The following TLN2 variants were observed in gnomAD, a reference collection of about 807,000 sequenced individuals.
TLN2 encodes the protein talin 2, also known as talin-2.
A neutral mutation model predicts 294.7 loss-of-function variants in TLN2; 118 were observed. That is an observed-to-expected ratio of 0.40 (90% CI 0.34 to 0.47). The LOEUF is 0.47. Among genes scored for constraint, TLN2 ranks in the 20% least tolerant of loss-of-function variants. The pLI is 0.84. For missense variants in TLN2, 3,083 were observed against 3,282.2 expected (o/e 0.94, Z 1.48); for synonymous variants, 1,431 against 1,304.5 (o/e 1.10, Z -2.09).
chr15:62,648,835 C>T (rs1473733406), intron 4 of TLN2, among the ~76,000 whole-genome samples: 2 of 152,032 alleles, frequency 1.3e-5, no homozygotes, highest in Non-Finnish European at 2.9e-5. Context: ...AGACGTGAGC[C>T]ACCACGCCTG....
At chr15:62,762,197 C>T in intron 38 of TLN2, 75 bp from the exon 39 acceptor site, 1 of 1,530,034 alleles carries the variant, frequency 6.5e-7, no homozygotes, top group Non-Finnish European at 9.0e-7. Context: ...TGGCAAAGAA[C>T]AGGACCTTTC....
At chr15:62,741,842 A>G (rs1044161085) in intron 32 of TLN2, among the ~76,000 whole-genome samples, 3 of 148,886 alleles carry the variant, frequency 2.0e-5, no homozygotes, top group Non-Finnish European at 3.0e-5. Context: ...TTATATTCCA[A>G]GCTTTAATAC....
In TLN2 at chr15:62,647,333, T is replaced by C. The variant is rs1488262238; in HGVS notation, c.23T>C (p.Ile8Thr). 6.2e-7 allele frequency: 1 copy of C among 1,614,034 alleles called. No individual in the cohort carries two copies. The highest frequency in any genetic ancestry group is 8.5e-7 in the Non-Finnish European group (1 of 1,180,018). MVALSLK[I>T]CVRHCNVVKT... is the part of the protein sequence containing the mutation. ...AAAATGGTGGCCCTGTCCTTAAAGA[T>C]TTGTGTGCGCCACTGCAACGTGGTG... The change falls in exon 4 of 59, where the codon ATT (isoleucine) becomes ACT (threonine). Residue 8 changes from isoleucine to threonine, a missense_variant. Transcript: ENST00000636159.
chr15:62,802,061 C>T (rs889144219), intron 50 of TLN2, among the ~76,000 whole-genome samples: 1 of 152,096 alleles, frequency 6.6e-6, no homozygotes, highest in Non-Finnish European at 1.5e-5. Context: ...TTCATTCTTT[C>T]TACTTTTTGT....
intron 1 of TLN2, among the ~76,000 whole-genome samples, chr15:62,514,263 T>C (rs2040075546): frequency 6.6e-6 from 1 of 152,230 alleles, no homozygotes; most frequent in African/African-American, 2.4e-5. Context: ...TTTTACCTGA[T>C]GTCATTATGT....
At position 62,701,183 on chromosome 15, in the gene TLN2, C is replaced by T. The variant is rs753474101; in HGVS notation, c.1665C>T (p.Ala555=). 8.7e-6 allele frequency: 14 copies of T among 1,613,910 alleles called. No homozygotes were observed. The Admixed American group carries it at 1.5e-4, about 17-fold the overall frequency. The change falls in exon 17 of 59, where the codon GCC becomes GCT. Residue 555 remains alanine (A), a synonymous_variant. Transcript: ENST00000636159. ...ATTCTCAAGTTGATGCTATCACGGCCGGAACGGCTTCAGTTGTTAACCTCA... is the reference window on the plus strand; with the variant it reads ...ATTCTCAAGTTGATGCTATCACGGCTGGAACGGCTTCAGTTGTTAACCTCA... ...EIHSQVDAIT[A]GTASVVNLTA...
At chr15:62,680,417 A>G (rs1164872078) in intron 11 of TLN2, among the ~76,000 whole-genome samples, 1 of 152,132 alleles carries the variant, frequency 6.6e-6, no homozygotes, top group East Asian at 1.9e-4. Flanking sequence ...GTTTATTGTT[A>G]AATTGATTAA....
intron 3 of TLN2, chr15:62,638,248 C>T (rs137941781): frequency 6.3e-6 from 2 of 319,286 alleles, no homozygotes; most frequent in African/African-American, 4.3e-5. Flanking sequence ...CCTTCCTCAG[C>T]AGAATTTCCT....
chr15:62,573,620 G>C (rs2044117724), intron 1 of TLN2, among the ~76,000 whole-genome samples: 1 of 152,076 alleles, frequency 6.6e-6, no homozygotes, highest in Non-Finnish European at 1.5e-5. Context: ...GTTCCAGCCT[G>C]GGGGTGGAAG....
chr15:62,783,747 G>C, intron 44 of TLN2, 24 bp from the exon 45 acceptor site: 1 of 1,543,974 alleles, frequency 6.5e-7, no homozygotes, highest in Non-Finnish European at 8.8e-7. Context: ...GTGTGTGTGT[G>C]TCTTGCTTGT....
chr15:62,587,356 A>C (rs2045693860), intron 1 of TLN2, among the ~76,000 whole-genome samples: 1 of 152,240 alleles, frequency 6.6e-6, no homozygotes, highest in Non-Finnish European at 1.5e-5. Context: ...CAGTATAAGA[A>C]GTAAAAATCA....
At position 62,737,689 on chromosome 15, in the gene TLN2, A is replaced by G. The variant is rs533862585; in HGVS notation, c.3568-525A>G. 2.0e-5 allele frequency among the ~76,000 whole-genome samples: 3 copies of G among 152,356 alleles called. No homozygotes were observed. In the East Asian group the frequency reaches 5.8e-4, roughly 29 times the overall value. On this transcript the variant is annotated intron_variant, in intron 29 of 58. Transcript: ENST00000636159. ...TTCTAGGCAACGTGAGGGCAGCTCC[A>G]GGTTGTGCTCAGAGCACCCCACTTG...
intron 1 of TLN2, among the ~76,000 whole-genome samples, chr15:62,521,754 C>T (rs1017041916): frequency 4.6e-5 from 7 of 152,050 alleles, no homozygotes; most frequent in Admixed American, 2.6e-4. Context: ...ATGGAGATTC[C>T]CCCATGCAAA....
intron 12 of TLN2, among the ~76,000 whole-genome samples, 186 bp downstream of exon 12, chr15:62,686,982 C>A (rs2057340926): frequency 6.6e-6 from 1 of 152,104 alleles, no homozygotes; most frequent in Non-Finnish European, 1.5e-5. Flanking sequence ...GAGAGGTCAG[C>A]AAGCCTGGGT....
At chr15:62,604,706 T>G (rs767042560) in intron 2 of TLN2, among the ~76,000 whole-genome samples, 12,744 of 150,738 alleles carry the variant, frequency 0.085, 774 homozygotes, top group Non-Finnish European at 0.12. Context: ...TTTTTTTTTT[T>G]TTTTAATTAT....
chr15:62,743,403 G>A (rs1363882235), intron 32 of TLN2, among the ~76,000 whole-genome samples: 1 of 152,066 alleles, frequency 6.6e-6, no homozygotes, highest in Non-Finnish European at 1.5e-5. Flanking sequence ...GAAAAGGTTT[G>A]CTTCTGGAGA....
intron 3 of TLN2, among the ~76,000 whole-genome samples, chr15:62,624,669 G>A (rs767307194): frequency 6.6e-6 from 1 of 152,216 alleles, no homozygotes; most frequent in Non-Finnish European, 1.5e-5. Flanking sequence ...TAAAAGCACT[G>A]GAGTGCTGAG....
chr15:62,579,444 G>C (rs2044718250), intron 1 of TLN2, among the ~76,000 whole-genome samples: 1 of 152,134 alleles, frequency 6.6e-6, no homozygotes, highest in Admixed American at 6.5e-5. Context: ...ATCTAATTCG[G>C]TCTTGATTAG....
chr15:62,839,551 C>G (rs1948634), intron 58 of TLN2, among the ~76,000 whole-genome samples: 1 of 152,116 alleles, frequency 6.6e-6, no homozygotes, highest in Non-Finnish European at 1.5e-5. Flanking sequence ...TTCTGACTTA[C>G]GCAGGATTGC....
Sources: allele counts gnomAD v4.1 joint callset (sites outside exome capture counted in the v4.1 genomes callset), GRCh38; gene constraint gnomAD v4.1.1; transcripts MANE v1.5; gene names NCBI Gene and HGNC (gene_info 2026-07-23, HGNC 2026-07-21).